EPHA6: variants seen among roughly 807,000 people sequenced by gnomAD.
The protein encoded by EPHA6 is EPH receptor A6.
EPHA6 carries 50 observed loss-of-function variants against 112.0 expected under a neutral mutation model. The ratio of observed to expected loss-of-function variants is 0.45; its 90% CI spans 0.36 to 0.56. EPHA6 has a LOEUF of 0.56. EPHA6 is among the 20% of genes least tolerant of loss of function. The pLI is 0.00. For missense variants in EPHA6, 1,280 were observed against 1,417.4 expected (o/e 0.90, Z 1.56); for synonymous variants, 529 against 490.7 (o/e 1.08, Z -1.03).
intron 2 of EPHA6, among the ~76,000 whole-genome samples, chr3:96,945,117 T>G (rs568605897): frequency 7.9e-5 from 12 of 152,362 alleles, no homozygotes; most frequent in African/African-American, 2.9e-4. Context: ...GAGAAACAGA[T>G]ATCTGTGATT....
intron 3 of EPHA6, among the ~76,000 whole-genome samples, chr3:97,117,048 T>C (rs1465604067): frequency 6.6e-6 from 1 of 151,718 alleles, no homozygotes; most frequent in African/African-American, 2.4e-5. Context: ...AATATCTCAC[T>C]ATAGTTTTAA....
chr3:97,295,146 G>A (rs531082979), intron 5 of EPHA6, among the ~76,000 whole-genome samples: 5 of 152,170 alleles, frequency 3.3e-5, no homozygotes, highest in Admixed American at 2.0e-4. Flanking sequence ...GTTTTTACCT[G>A]TTATTTCACT....
intron 3 of EPHA6, among the ~76,000 whole-genome samples, chr3:97,107,269 A>G (rs1386778546): frequency 1.6e-4 from 24 of 152,112 alleles, no homozygotes; most frequent in Admixed American, 1.6e-3. Flanking sequence ...TCAAGAAGTA[A>G]ATAGTAGTGA....
chr3:97,648,441 T>C, intron 14 of EPHA6: 1 of 1,350,290 alleles, frequency 7.4e-7, no homozygotes, highest in Non-Finnish European at 9.5e-7. Flanking sequence ...ATTTAATGTG[T>C]ATTTTAAAGT....
At chr3:97,745,488 A>G in intron 16 of EPHA6, 1 of 399,334 alleles carries the variant, frequency 2.5e-6, no homozygotes, top group Admixed American at 3.0e-5. Flanking sequence ...AATAGAATTG[A>G]GTAGTGTTAA....
chr3:97,412,418 A>T (rs527740695), intron 6 of EPHA6, among the ~76,000 whole-genome samples: 16 of 152,064 alleles, frequency 1.1e-4, no homozygotes, highest in Admixed American at 4.6e-4. Flanking sequence ...ACATTTCTGA[A>T]TTTGCTTCCT....
chr3:96,980,361 T>C (rs2107814028), intron 2 of EPHA6, among the ~76,000 whole-genome samples: 1 of 152,288 alleles, frequency 6.6e-6, no homozygotes, highest in South Asian at 2.1e-4. Context: ...CAGATGGTTG[T>C]AGATGTGTGG....
At chr3:96,963,660 G>A (rs1031553200) in intron 2 of EPHA6, among the ~76,000 whole-genome samples, 1 of 152,080 alleles carries the variant, frequency 6.6e-6, no homozygotes, top group African/African-American at 2.4e-5. Flanking sequence ...TCATGCAGTG[G>A]AGCTCTGTTG....
At chr3:97,671,915 G>A (rs950491354) in intron 14 of EPHA6, among the ~76,000 whole-genome samples, 2 of 152,054 alleles carry the variant, frequency 1.3e-5, no homozygotes, top group Admixed American at 6.6e-5. Flanking sequence ...TATGTACACT[G>A]CAAAGTTGTT....
intron 14 of EPHA6, among the ~76,000 whole-genome samples, chr3:97,718,644 C>T (rs1391746222): frequency 6.6e-6 from 1 of 152,090 alleles, no homozygotes; most frequent in Non-Finnish European, 1.5e-5. Flanking sequence ...TCTCCCCTTG[C>T]AACTCCCTGC....
chr3:97,652,177 T>C (rs2094111699), intron 14 of EPHA6, among the ~76,000 whole-genome samples: 1 of 152,086 alleles, frequency 6.6e-6, no homozygotes, highest in African/African-American at 2.4e-5. Context: ...TCATCTCTGA[T>C]GTGAAAAGAA....
chr3:97,405,366 T>A, intron 6 of EPHA6, 92 bp downstream of exon 6: 1 of 1,162,822 alleles, frequency 8.6e-7, no homozygotes, highest in Non-Finnish European at 1.2e-6. Flanking sequence ...TATTTTATTT[T>A]AAACCCTGTT....
intron 3 of EPHA6, among the ~76,000 whole-genome samples, chr3:97,007,234 G>T (rs1020876123): frequency 6.6e-6 from 1 of 152,130 alleles, no homozygotes; most frequent in Admixed American, 6.6e-5. Flanking sequence ...TTGCATGGGA[G>T]TCTAGGTGTC....
At position 97,611,586 on chromosome 3, in the gene EPHA6, A is replaced by G. The variant is rs1044665044; in HGVS notation, c.2574+732A>G. Among the ~76,000 whole-genome samples the G allele has an allele frequency of 2.6e-5, 4 of 151,870 alleles. No homozygotes were observed. In the East Asian group the frequency reaches 7.7e-4, roughly 29 times the overall value. ...ATTGATAGTGAAAAAAGTGAAATAT[A>G]AAAAATAAATGCTATAGTAAATATT... On this transcript the variant is annotated intron_variant, in intron 13 of 17. Transcript: ENST00000389672.
At chr3:96,815,482 C>T (rs559570222) in intron 1 of EPHA6, among the ~76,000 whole-genome samples, 1 of 152,272 alleles carries the variant, frequency 6.6e-6, no homozygotes, top group South Asian at 2.1e-4. Context: ...CTGCCGCCCT[C>T]GCCCAGCCTC....
At chr3:97,377,969 G>A (rs2085466514) in intron 5 of EPHA6, among the ~76,000 whole-genome samples, 1 of 152,196 alleles carries the variant, frequency 6.6e-6, no homozygotes, top group Non-Finnish European at 1.5e-5. Context: ...CCAGCTGCCA[G>A]CAAATATTTG....
intron 3 of EPHA6, among the ~76,000 whole-genome samples, chr3:97,188,669 T>C (rs954410615): frequency 1.3e-5 from 2 of 151,956 alleles, no homozygotes; most frequent in Non-Finnish European, 2.9e-5. Context: ...ATAAGTTATA[T>C]AAGTAATGGT....
intron 11 of EPHA6, among the ~76,000 whole-genome samples, chr3:97,561,982 T>C (rs1484438543): frequency 1.3e-5 from 2 of 152,086 alleles, no homozygotes; most frequent in Non-Finnish European, 2.9e-5. Flanking sequence ...TATAGCCTGG[T>C]TTACTAAATA....
At position 96,886,850 on chromosome 3, in the gene EPHA6, CT is replaced by C. The variant is rs1408061733; in HGVS notation, c.450+19962del. Among the ~76,000 whole-genome samples, 8 of 152,248 alleles carry C rather than the reference CT, an allele frequency of 5.3e-5. No homozygotes were observed. In the South Asian group the frequency reaches 6.2e-4, roughly 12 times the overall value. ...TTGGGATTTGTTTCAAGATTTAGAG[CT>C]CCTTTTACCAGTTCTTGGTAAAAGA... On this transcript the variant is annotated intron_variant, in intron 2 of 17. Transcript: ENST00000389672.
Sources: allele counts gnomAD v4.1 joint callset (sites outside exome capture counted in the v4.1 genomes callset), GRCh38; gene constraint gnomAD v4.1.1; transcripts MANE v1.5; gene names NCBI Gene and HGNC (gene_info 2026-07-23, HGNC 2026-07-21).